The following UGT2B15 variants were observed in gnomAD, a reference collection of about 807,000 sequenced individuals.
UGT2B15 encodes UDP-glucuronosyltransferase 2B15.
In UGT2B15, 36 loss-of-function variants were observed where a neutral mutation model predicts 45.9. The ratio of observed to expected loss-of-function variants is 0.78; its 90% confidence interval spans 0.60 to 1.04. The LOEUF is 1.04. Ranked by LOEUF, UGT2B15 falls within the 50% of genes least tolerant of loss-of-function variation. The pLI is 0.00. For missense variants in UGT2B15, 617 were observed against 622.4 expected (o/e 0.99, Z 0.09); for synonymous variants, 219 against 216.4 (o/e 1.01, Z -0.11).
chr4:68,654,615 G>A (rs1487712924), intron 4 of UGT2B15, among the ~76,000 whole-genome samples: 1 of 151,970 alleles, frequency 6.6e-6, no homozygotes, highest in African/African-American at 2.4e-5. Context: ...GTAGGGTGGA[G>A]GTGGGGCTGA....
rs775211880 is a variant in UGT2B15 at position 68,670,038 on chromosome 4, T to C, written c.581A>G (p.Tyr194Cys). 26 of 1,613,932 alleles carry C rather than the reference T, an allele frequency of 1.6e-5. No individual in the cohort carries two copies. Among genetic ancestry groups the C allele is most frequent in the African/African-American group, 2.7e-5 (2 of 74,904 alleles). ...NGGGFLFPPS[Y>C]VPVVMSELSD... is the part of the protein sequence containing the mutation. ...TAATTCTGACATAACAACAGGTACA[T>C]AGGAAGGAGGGAACAGAAATCCTCC... is the stretch of plus-strand genomic sequence containing the variant. Residue 194 changes from tyrosine (Y) to cysteine (C), a missense_variant, in exon 1 of 6, where the codon TAT becomes TGT. Physicochemically the swap from Tyr to Cys is radical, Grantham distance 194. This residue lies in a region of UGT2B15 where 351 missense variants were observed against 342.1 expected (regional missense o/e 1.03). Transcript: ENST00000338206.
At chr4:68,650,384 G>A (rs568883043) in intron 5 of UGT2B15, among the ~76,000 whole-genome samples, 6 of 152,022 alleles carry the variant, frequency 3.9e-5, no homozygotes, top group African/African-American at 1.4e-4. Flanking sequence ...CCTCTTATAA[G>A]TGAGAACATG....
At chr4:68,649,180 A>T (rs1437510834) in intron 5 of UGT2B15, among the ~76,000 whole-genome samples, 1 of 151,564 alleles carries the variant, frequency 6.6e-6, no homozygotes, top group African/African-American at 2.4e-5. Flanking sequence ...TGACTAGAAC[A>T]TATAATTTTT....
In UGT2B15 at chr4:68,650,995, G is replaced by T. The variant is rs111797903; in HGVS notation, c.1313+3042C>A. ...CTTTTGCCCACTTTTTGATGGTGTT[G>T]TTTTTTTTTTTTTTTTTGTAAATTT... On this transcript the variant is annotated intron_variant, in intron 5 of 5. Coordinates refer to ENST00000338206, the MANE Select transcript of UGT2B15 (RefSeq NM_001076.4). Among the ~76,000 whole-genome samples the T allele has an allele frequency of 3.7e-3, 437 of 117,532 alleles. 1 individual carries two copies. Among genetic ancestry groups the T allele is most frequent in the Non-Finnish European group, 5.3e-3 (310 of 59,008 alleles). The allele number at this position is 117,532 out of a possible 152,430, so 77.1% of individuals were successfully genotyped here. A position where few individuals can be genotyped will look rare whatever the true frequency, so the allele number is the denominator to read the frequency against.
chr4:68,670,380 G>T lies in UGT2B15; in HGVS notation c.239C>A (p.Ser80Tyr), dbSNP rs1312304668. The change falls in exon 1 of 6, where the codon TCT becomes TAT. Residue 80 changes from serine (S) to tyrosine (Y), a missense_variant. This residue lies in a region of UGT2B15 where 351 missense variants were observed against 342.1 expected (regional missense o/e 1.03). Coordinates refer to ENST00000338206, the MANE Select transcript of UGT2B15 (RefSeq NM_001076.4). ...SAIKLEVYPT[S>Y]LTKNYLEDSL... ...ATCTTCCAAATAATTTTTAGTTAAAGATGTAGGATAAACTTCTAATTTAAT... is the reference window on the plus strand; with the variant it reads ...ATCTTCCAAATAATTTTTAGTTAAATATGTAGGATAAACTTCTAATTTAAT... 1.2e-6 allele frequency: 2 copies of T among 1,613,370 alleles called. No individual in the cohort carries two copies. Among genetic ancestry groups the T allele is most frequent in the African/African-American group, 2.7e-5 (2 of 74,830 alleles).
intron 2 of UGT2B15, among the ~76,000 whole-genome samples, chr4:68,665,517 C>T (rs1018105132): frequency 4.6e-5 from 7 of 151,776 alleles, no homozygotes; most frequent in African/African-American, 1.7e-4. Flanking sequence ...TGAATCTTAC[C>T]ATCATGATTT....
chr4:68,647,613 G>T (rs1260415765), intron 5 of UGT2B15, among the ~76,000 whole-genome samples: 1 of 151,954 alleles, frequency 6.6e-6, no homozygotes, highest in African/African-American at 2.4e-5. Flanking sequence ...AATTTTCGGT[G>T]GGAAAGTTAA....
Position 68,670,457 on chromosome 4 carries a change from A to T in UGT2B15, c.162T>A (p.Thr54=). Residue 54 remains threonine (T), a synonymous_variant, in exon 1 of 6, where the codon ACT becomes ACA. Coordinates refer to ENST00000338206, the MANE Select transcript of UGT2B15 (RefSeq NM_001076.4). ...EELVQRGHEV[T]VLTSSASTLV... ...GAGTAGAAGCCGAAGATGTCAACAC[A>T]GTCACCTCATGACCCCTCTGAACAA... The T allele has an allele frequency of 6.2e-7, 1 of 1,613,992 alleles. No individual in the cohort carries two copies. The highest frequency in any genetic ancestry group is 8.5e-7 in the Non-Finnish European group (1 of 1,179,994).
chr4:68,651,252 C>G (rs770816178), intron 5 of UGT2B15, among the ~76,000 whole-genome samples: 1 of 151,980 alleles, frequency 6.6e-6, no homozygotes, highest in African/African-American at 2.4e-5. Context: ...ATGATATTGC[C>G]TAGGTTTTCT....
At chr4:68,666,752 A>AT (rs775748401) in intron 2 of UGT2B15, among the ~76,000 whole-genome samples, 12,909 of 127,698 alleles carry the variant, frequency 0.1, 817 homozygotes, top group Non-Finnish European at 0.14. Context: ...ATATATATAT[A>AT]TTTTTTTTTT....
intron 1 of UGT2B15, among the ~76,000 whole-genome samples, chr4:68,668,653 G>C (rs1436708282): frequency 7.1e-6 from 1 of 139,946 alleles, no homozygotes; most frequent in South Asian, 2.5e-4. Context: ...CATGAGATCT[G>C]ATAGTTTTAT....
intron 5 of UGT2B15, among the ~76,000 whole-genome samples, chr4:68,652,229 G>A (rs565608394): frequency 1.3e-5 from 2 of 152,010 alleles, no homozygotes; most frequent in African/African-American, 4.8e-5. Context: ...ATTGATTTTT[G>A]TATCCAGAGG....
chr4:68,663,546 A>G (rs1385985524), intron 2 of UGT2B15, among the ~76,000 whole-genome samples: 1 of 151,892 alleles, frequency 6.6e-6, no homozygotes, highest in African/African-American at 2.4e-5. Flanking sequence ...TCTTGTGTTT[A>G]TTTGGGGTAG....
rs555843822 is a variant in UGT2B15 at position 68,661,914 on chromosome 4, C to T, written c.1005+1094G>A. On this transcript the variant is annotated intron_variant, in intron 3 of 5. Transcript: ENST00000338206. Reference sequence around the variant, plus strand: ...TGATCTTTCACACTTAGATGATGCACTACCTAGCATTGACAGCCTTGATAT... The same window carrying T: ...TGATCTTTCACACTTAGATGATGCATTACCTAGCATTGACAGCCTTGATAT... Among the ~76,000 whole-genome samples, 3 of 152,214 alleles carry T rather than the reference C, an allele frequency of 2.0e-5. No individual in the cohort carries two copies. The South Asian group carries it at 6.2e-4, about 32-fold the overall frequency.
At chr4:68,667,961 T>C in intron 2 of UGT2B15, 79 bp downstream of exon 2, 1 of 1,555,632 alleles carries the variant, frequency 6.4e-7, no homozygotes, top group Non-Finnish European at 8.7e-7. Flanking sequence ...TCACTCTGAG[T>C]TAAACACTCT....
chr4:68,663,386 C>T (rs540867677), intron 2 of UGT2B15, among the ~76,000 whole-genome samples: 41 of 152,088 alleles, frequency 2.7e-4, no homozygotes, highest in African/African-American at 9.4e-4. Flanking sequence ...GGAAATGAAA[C>T]AAAGCTATGA....
chr4:68,658,929 A>G (rs1732885117), intron 3 of UGT2B15, among the ~76,000 whole-genome samples: 1 of 152,066 alleles, frequency 6.6e-6, no homozygotes, highest in Non-Finnish European at 1.5e-5. Flanking sequence ...CTGAGAGATA[A>G]GTTAGTTTAT....
Position 68,646,729 on chromosome 4 carries a change from AT to A in UGT2B15, c.*374del, listed in dbSNP as rs4148274. ...TTCCTGGTTTAAAAAAAAGAGTTGT[AT>A]TTTTTTTTTTTGCTTTTTTTAAATT... On this transcript the variant is annotated 3_prime_UTR_variant, in exon 6 of 6. Transcript: ENST00000338206. 1.6e-3 allele frequency: 229 copies of A among 141,210 alleles called. No homozygotes were observed. The highest frequency in any genetic ancestry group is 4.0e-3 in the Middle Eastern group (1 of 248). 8.7% of individuals were successfully genotyped at this position (141,210 alleles called of 1,614,324 possible). A position where few individuals can be genotyped will look rare whatever the true frequency, so the allele number is the denominator to read the frequency against.
intron 2 of UGT2B15, among the ~76,000 whole-genome samples, chr4:68,665,627 A>G (rs1322000112): frequency 7.9e-5 from 12 of 152,196 alleles, no homozygotes; most frequent in Admixed American, 7.9e-4. Context: ...TTCTTTTGAA[A>G]TATACAAACA....
Sources: allele counts gnomAD v4.1 joint callset (sites outside exome capture counted in the v4.1 genomes callset), GRCh38; gene constraint gnomAD v4.1.1; regional missense constraint gnomAD v4.1.1; transcripts MANE v1.5; gene names NCBI Gene and HGNC (gene_info 2026-07-23, HGNC 2026-07-21).